TAF15: variants seen among roughly 807,000 people sequenced by gnomAD.
TAF15 encodes TATA-box binding protein associated factor 15, also known as TATA-binding protein-associated factor 2N.
In TAF15, 37 loss-of-function variants were observed where a neutral mutation model predicts 102.5. That is an observed-to-expected ratio of 0.36 (90% CI 0.28 to 0.47). TAF15 has a LOEUF of 0.47. TAF15 is among the 20% of genes least tolerant of loss of function. TAF15 has a pLI of 0.99. For synonymous variants in TAF15, 273 were observed against 259.2 expected, an observed-to-expected ratio of 1.05 and a Z score of -0.51; for missense variants, 652 against 760.7, an observed-to-expected ratio of 0.86 and a Z score of 1.68.
chr17:35,837,320 T>TA (rs200497722), intron 10 of TAF15, among the ~76,000 whole-genome samples: 3 of 149,262 alleles, frequency 2.0e-5, no homozygotes, highest in Admixed American at 6.6e-5. Context: ...CCCAGCTAGT[T>TA]AAAAATTTTT....
intron 1 of TAF15, among the ~76,000 whole-genome samples, chr17:35,814,697 A>G (rs1172468972): frequency 6.6e-6 from 1 of 151,924 alleles, no homozygotes; most frequent in Admixed American, 6.6e-5. Flanking sequence ...TATTAAAAAT[A>G]CAAAAACTAG....
chr17:35,829,119 A>G (rs988436545), intron 7 of TAF15, among the ~76,000 whole-genome samples: 16 of 152,120 alleles, frequency 1.1e-4, no homozygotes, highest in African/African-American at 3.6e-4. Context: ...TTTTCCTCAC[A>G]CTCAGAAAAT....
chr17:35,821,968 A>C (rs2143764505), intron 5 of TAF15, among the ~76,000 whole-genome samples: 1 of 152,154 alleles, frequency 6.6e-6, no homozygotes, highest in Non-Finnish European at 1.5e-5. Context: ...TATTAAAAGG[A>C]CTCAGCTCTT....
At position 35,836,152 on chromosome 17, in the gene TAF15, G is replaced by A. The variant is rs1205847839; in HGVS notation, c.694G>A (p.Asp232Asn). The change falls in exon 10 of 16, where the codon GAT becomes AAT. Residue 232 changes from aspartate (D) to asparagine (N), a missense_variant. By Grantham distance (23) the Asp-to-Asn change is conservative. Coordinates refer to ENST00000605844, the MANE Select transcript of TAF15 (RefSeq NM_139215.3). ...CTTAGATTCAGAATCTGATAATTCAGATAACAACACAATCTTTGTGCAAGG... is the reference window on the plus strand; with the variant it reads ...CTTAGATTCAGAATCTGATAATTCAAATAACAACACAATCTTTGTGCAAGG... Reference protein sequence around the residue: ...TDADSESDNSDNNTIFVQGLG... With the variant: ...TDADSESDNSNNNTIFVQGLG... 1.9e-6 allele frequency: 3 copies of A among 1,613,450 alleles called. No individual in the cohort carries two copies. Among genetic ancestry groups the A allele is most frequent in the Admixed American group, 1.7e-5 (1 of 60,008 alleles).
chr17:35,842,398 G>T lies in TAF15; in HGVS notation c.945G>T (p.Val315=). Residue 315 remains valine, a synonymous_variant, in exon 12 of 16, where the codon GTG becomes GTT. Transcript: ENST00000605844. ...AATTCCATGGCAACATCATTAAAGTGTCCTTTGCCACTAGAAGACCTGAAT... is the reference window on the plus strand; with the variant it reads ...AATTCCATGGCAACATCATTAAAGTTTCCTTTGCCACTAGAAGACCTGAAT... The part of the protein sequence containing the change: ...GKEFHGNIIK[V]SFATRRPEFM... 1 of 1,614,086 alleles carries T rather than the reference G, an allele frequency of 6.2e-7. No homozygotes were observed. The highest frequency in any genetic ancestry group is 8.5e-7 in the Non-Finnish European group (1 of 1,179,984).
At position 35,845,632 on chromosome 17, in the gene TAF15, C is replaced by T. The variant is rs988276945; in HGVS notation, c.1739+594C>T. On this transcript the variant is annotated intron_variant, in intron 15 of 15. Transcript: ENST00000605844. ...GGTTCACGCCATTCTGCCTCAGCCT[C>T]CCAAGTAGCTGGGACTATGGGCGCC... 2.6e-5 allele frequency among the ~76,000 whole-genome samples: 4 copies of T among 152,152 alleles called. 1 individual carries two copies. The South Asian group carries it at 6.2e-4, about 24-fold the overall frequency.
chr17:35,813,741 G>C (rs112066334), intron 1 of TAF15, among the ~76,000 whole-genome samples: 8,304 of 149,500 alleles, frequency 0.056, 285 homozygotes, highest in South Asian at 0.17. Context: ...AGAATCAATA[G>C]TTGATTTCCA....
chr17:35,841,594 G>T (rs2087546280), intron 11 of TAF15, among the ~76,000 whole-genome samples: 1 of 151,864 alleles, frequency 6.6e-6, no homozygotes, highest in Non-Finnish European at 1.5e-5. Context: ...TGTAGAGACA[G>T]GGTTTCCCCA....
chr17:35,838,050 G>A (rs1420469029), intron 10 of TAF15, among the ~76,000 whole-genome samples: 1 of 152,024 alleles, frequency 6.6e-6, no homozygotes, highest in South Asian at 2.1e-4. Context: ...GGGCGTGGTG[G>A]CACTTGCTTG....
intron 2 of TAF15, among the ~76,000 whole-genome samples, chr17:35,819,503 C>T (rs538027658): frequency 2.9e-4 from 44 of 152,242 alleles, no homozygotes; most frequent in African/African-American, 9.1e-4. Context: ...TGGGGATAAA[C>T]ATGCCTCTAA....
At chr17:35,822,498 A>T (rs4251744) in intron 5 of TAF15, 142 bp from the exon 6 acceptor site, 3 of 723,618 alleles carry the variant, frequency 4.1e-6, no homozygotes, top group Non-Finnish European at 6.9e-6. Context: ...GAGACTGCAG[A>T]TAACTAATTA....
chr17:35,828,162 C>T (rs950884288), intron 7 of TAF15, among the ~76,000 whole-genome samples: 2 of 152,176 alleles, frequency 1.3e-5, no homozygotes, highest in African/African-American at 4.8e-5. Context: ...TGAGGATCTT[C>T]TCCCTCTTAA....
rs754584555 is a variant in TAF15 at position 35,844,069 on chromosome 17, C to A, written c.1007-8C>A. 2 of 1,613,760 alleles carry A rather than the reference C, an allele frequency of 1.2e-6. No individual in the cohort carries two copies. The highest frequency in any genetic ancestry group is 2.2e-5 in the South Asian group (2 of 91,068). ...GCTGATTTTTCTCCCCTGGCCCCATCCCCCTAGGCCGTGGAGGATATAGAG... is the reference window on the plus strand; with the variant it reads ...GCTGATTTTTCTCCCCTGGCCCCATACCCCTAGGCCGTGGAGGATATAGAG... On this transcript the variant is annotated splice_polypyrimidine_tract_variant and splice_region_variant and intron_variant, in intron 12 of 15. Transcript: ENST00000605844.
At position 35,818,220 on chromosome 17, in the gene TAF15, C is replaced by T. The variant is rs535893318; in HGVS notation, c.47+465C>T. Among the ~76,000 whole-genome samples the T allele has an allele frequency of 1.6e-3, 248 of 152,240 alleles. 1 individual carries two copies. The highest frequency in any genetic ancestry group is 5.8e-3 in the African/African-American group (240 of 41,562). Reference sequence around the variant, plus strand: ...ACGCCATTCTCTGGCCTCAGCCTCCCGAGTAGCTGAGACTACAGGCGCTCG... The same window carrying T: ...ACGCCATTCTCTGGCCTCAGCCTCCTGAGTAGCTGAGACTACAGGCGCTCG... On this transcript the variant is annotated intron_variant, in intron 2 of 15. Coordinates refer to ENST00000605844, the MANE Select transcript of TAF15 (RefSeq NM_139215.3).
At chr17:35,838,294 T>C (rs373322493) in intron 10 of TAF15, 130 bp from the exon 11 acceptor site, 19 of 1,205,264 alleles carry the variant, frequency 1.6e-5, no homozygotes, top group East Asian at 7.3e-5. Flanking sequence ...AGGTAACTTA[T>C]TAGGTGCATA....
intron 7 of TAF15, among the ~76,000 whole-genome samples, chr17:35,828,844 A>G (rs914301236): frequency 6.7e-6 from 1 of 148,818 alleles, no homozygotes; most frequent in Admixed American, 6.7e-5. Context: ...TCCATTTTGT[A>G]TTTTGCATTT....
intron 11 of TAF15, among the ~76,000 whole-genome samples, chr17:35,841,114 A>C (rs138857045): frequency 3.7e-4 from 57 of 152,344 alleles, no homozygotes; most frequent in Middle Eastern, 3.4e-3. Context: ...CATAGTTCAA[A>C]TCTTGCCAAT....
chr17:35,833,722 T>A, intron 7 of TAF15, 185 bp from the exon 8 acceptor site: 1 of 612,066 alleles, frequency 1.6e-6, no homozygotes, highest in Non-Finnish European at 2.9e-6. Flanking sequence ...TGGAAATAGA[T>A]CCTTGGGAAA....
chr17:35,841,315 C>T (rs4796115), intron 11 of TAF15, among the ~76,000 whole-genome samples: 14,169 of 152,136 alleles, frequency 0.093, 863 homozygotes, highest in East Asian at 0.22. Context: ...TAGATAAATA[C>T]GTACATGTTA....
Sources: allele counts gnomAD v4.1 joint callset (sites outside exome capture counted in the v4.1 genomes callset), GRCh38; gene constraint gnomAD v4.1.1; transcripts MANE v1.5; gene names NCBI Gene and HGNC (gene_info 2026-07-23, HGNC 2026-07-21).